CDCP1: variants seen among roughly 807,000 people sequenced by gnomAD.
CDCP1 encodes the protein CUB domain containing protein 1.
CDCP1 carries 29 observed loss-of-function variants against 60.2 expected under a neutral mutation model. That is an observed-to-expected ratio of 0.48 (90% CI 0.36 to 0.66). The LOEUF is 0.66. CDCP1 is among the 30% of genes least tolerant of loss of function. The pLI is 0.00. For synonymous variants in CDCP1, 387 were observed against 431.1 expected, an observed-to-expected ratio of 0.90 and a Z score of 1.27; for missense variants, 876 against 1,074.3, an observed-to-expected ratio of 0.82 and a Z score of 2.58.
intron 1 of CDCP1, among the ~76,000 whole-genome samples, chr3:45,139,143 CA>C (rs1050037966): frequency 6.6e-6 from 1 of 152,156 alleles, no homozygotes; most frequent in Admixed American, 6.5e-5. Context: ...CAACACTTCC[CA>C]TTAGGCCCCA....
At chr3:45,106,754 C>T (rs1698573225) in intron 4 of CDCP1, among the ~76,000 whole-genome samples, 1 of 152,104 alleles carries the variant, frequency 6.6e-6, no homozygotes, top group South Asian at 2.1e-4. Context: ...AAAGGAAGGT[C>T]AAGTTAGGGC....
At chr3:45,144,506 A>G (rs1487295239) in intron 1 of CDCP1, among the ~76,000 whole-genome samples, 2 of 152,210 alleles carry the variant, frequency 1.3e-5, no homozygotes, top group African/African-American at 4.8e-5. Flanking sequence ...ACCATGAGAC[A>G]GGGCTCAGCC....
intron 4 of CDCP1, 192 bp downstream of exon 4, chr3:45,110,281 A>T (rs982547948): frequency 1.4e-6 from 2 of 1,430,956 alleles, no homozygotes; most frequent in African/African-American, 2.9e-5. Context: ...ATGGAACTAC[A>T]TACCGGGTGT....
chr3:45,099,639 G>A (rs539986736), intron 4 of CDCP1, among the ~76,000 whole-genome samples: 10 of 151,976 alleles, frequency 6.6e-5, no homozygotes, highest in Non-Finnish European at 1.5e-5. Flanking sequence ...CTCCTTGACT[G>A]GTCCTTGAGT....
intron 3 of CDCP1, 123 bp from the exon 4 acceptor site, chr3:45,110,964 G>A (rs1008595970): frequency 2.8e-6 from 3 of 1,058,234 alleles, no homozygotes; most frequent in South Asian, 1.5e-5. Context: ...TGAGCAGTGG[G>A]TCTAGATACT....
At chr3:45,105,215 T>G (rs902417202) in intron 4 of CDCP1, among the ~76,000 whole-genome samples, 6 of 152,212 alleles carry the variant, frequency 3.9e-5, no homozygotes, top group Non-Finnish European at 7.3e-5. Context: ...CCCTAATCAT[T>G]TTTGTGGTAT....
chr3:45,118,581 T>G lies in CDCP1; in HGVS notation c.123A>C (p.Thr41=). The part of the protein sequence containing the change: ...EIALPRESNI[T]VLIKLGTPTL... The stretch of plus-strand genomic sequence containing the variant: ...TCGGGGTCCCCAGCTTTATGAGAAC[T>G]GTAATGTTGCTTTCTCGTGGCAGAG... Residue 41 remains threonine (T), a synonymous_variant, in exon 2 of 9, where the codon ACA becomes ACC. Transcript: ENST00000296129. The G allele has an allele frequency of 1.2e-6, 2 of 1,614,034 alleles. No homozygotes were observed. The highest frequency in any genetic ancestry group is 1.7e-6 in the Non-Finnish European group (2 of 1,180,022).
intron 1 of CDCP1, among the ~76,000 whole-genome samples, chr3:45,136,965 T>G (rs113816614): frequency 0.028 from 4,270 of 152,304 alleles, 76 homozygotes; most frequent in Middle Eastern, 0.095. Context: ...CCCATTGAAT[T>G]ATACAATTGA....
Position 45,107,367 on chromosome 3 carries a change from C to T in CDCP1, c.1024+3106G>A, listed in dbSNP as rs1040107345. On this transcript the variant is annotated intron_variant, in intron 4 of 8. Transcript: ENST00000296129. ...GACTACAGGTGCCTGCCACCACGCC[C>T]GGCTAATTTTTTGTATTTTTAGTAG... is the stretch of plus-strand genomic sequence containing the variant. Among the ~76,000 whole-genome samples the T allele has an allele frequency of 1.4e-4, 21 of 152,086 alleles. 1 individual carries two copies. In the South Asian group the frequency reaches 3.7e-3, roughly 27 times the overall value.
intron 1 of CDCP1, among the ~76,000 whole-genome samples, chr3:45,131,171 C>T (rs1372199354): frequency 6.6e-6 from 1 of 151,424 alleles, no homozygotes; most frequent in Non-Finnish European, 1.5e-5. Flanking sequence ...CTATGCTTCA[C>T]TTCTTTAAAA....
chr3:45,112,550 C>T, intron 2 of CDCP1, 105 bp from the exon 3 acceptor site: 1 of 1,492,278 alleles, frequency 6.7e-7, no homozygotes, highest in Admixed American at 2.1e-5. Flanking sequence ...TGGGGCTCCC[C>T]CAAGGTGGCC....
chr3:45,135,305 A>C (rs573797092), intron 1 of CDCP1, among the ~76,000 whole-genome samples: 4 of 152,072 alleles, frequency 2.6e-5, no homozygotes, highest in South Asian at 4.1e-4. Flanking sequence ...TAGAAAAAAA[A>C]AAAAACAAAA....
chr3:45,092,317 G>A (rs552360184), intron 6 of CDCP1, among the ~76,000 whole-genome samples: 2 of 152,330 alleles, frequency 1.3e-5, no homozygotes, highest in East Asian at 3.9e-4. Context: ...CCTCTCCGGG[G>A]TGGGGCTGGT....
chr3:45,127,258 C>T (rs1010828882), intron 1 of CDCP1, among the ~76,000 whole-genome samples: 3 of 152,114 alleles, frequency 2.0e-5, no homozygotes, highest in South Asian at 2.1e-4. Flanking sequence ...ATGTTTGGGG[C>T]GTGGTTGTTC....
chr3:45,106,978 G>A (rs545764016), intron 4 of CDCP1, among the ~76,000 whole-genome samples: 2 of 152,218 alleles, frequency 1.3e-5, no homozygotes, highest in South Asian at 2.1e-4. Flanking sequence ...GATCATGAGC[G>A]GCACACACCA....
rs530666805 is a variant in CDCP1 at position 45,139,193 on chromosome 3, G to C, written c.82+7013C>G. 6.6e-5 allele frequency among the ~76,000 whole-genome samples: 10 copies of C among 152,292 alleles called. No individual in the cohort carries two copies. In the South Asian group the frequency reaches 1.9e-3, roughly 28 times the overall value. On this transcript the variant is annotated intron_variant, in intron 1 of 8. Coordinates refer to ENST00000296129, the MANE Select transcript of CDCP1 (RefSeq NM_022842.5). ...GGATCAAATTTCAACATGAGATTTG[G>C]AGGAAACAATCATCCAAACTACAGC...
chr3:45,095,154 G>C (rs896863625), intron 5 of CDCP1, among the ~76,000 whole-genome samples, 193 bp downstream of exon 5: 7 of 152,100 alleles, frequency 4.6e-5, no homozygotes, highest in Non-Finnish European at 1.0e-4. Flanking sequence ...GGCTGGTCTT[G>C]AACTCCTGAC....
intron 1 of CDCP1, among the ~76,000 whole-genome samples, chr3:45,133,626 G>A (rs1303617514): frequency 8.1e-5 from 2 of 24,726 alleles, no homozygotes; most frequent in African/African-American, 1.8e-4. Flanking sequence ...GCTGAGGCAG[G>A]AGAATGGCGT....
chr3:45,108,816 C>CATATATATGCATGTATAT, intron 4 of CDCP1, among the ~76,000 whole-genome samples: 1 of 33,538 alleles, frequency 3.0e-5, no homozygotes, highest in South Asian at 1.3e-3. Flanking sequence ...TGCATGTATA[C>CATATATATGCATGTATAT]ATATATATGC....
Sources: allele counts gnomAD v4.1 joint callset (sites outside exome capture counted in the v4.1 genomes callset), GRCh38; gene constraint gnomAD v4.1.1; transcripts MANE v1.5; gene names NCBI Gene and HGNC (gene_info 2026-07-23, HGNC 2026-07-21).